XKR9: variants seen among roughly 807,000 people sequenced by gnomAD.
The protein encoded by XKR9 is XK-related protein 9.
Under a neutral mutation model 32.0 loss-of-function variants are expected in XKR9, and 32 were observed. The ratio of observed to expected loss-of-function variants is 1.00; its 90% CI spans 0.76 to 1.34. The LOEUF is 1.34. Ranked by LOEUF, XKR9 falls within the 40% of genes most tolerant of loss-of-function variation. The pLI, the probability that XKR9 is intolerant of heterozygous loss-of-function variation, is 0.00. For synonymous variants in XKR9, 168 were observed against 143.4 expected (o/e 1.17, Z -1.22); for missense variants, 546 against 429.7 (o/e 1.27, Z -2.39).
chr8:70,920,275 T>C, the XKR9 span, among the ~76,000 whole-genome samples: 2 of 152,210 alleles, frequency 1.3e-5, no homozygotes, highest in Non-Finnish European at 2.9e-5. Flanking sequence ...TGGAATCTCA[T>C]TGTGAAAGCC....
chr8:70,830,068 G>A, the XKR9 span, among the ~76,000 whole-genome samples: 1 of 151,984 alleles, frequency 6.6e-6, no homozygotes, highest in Non-Finnish European at 1.5e-5. Flanking sequence ...GGTTATAAAT[G>A]TTTCTTCCTT....
At chr8:70,811,980 C>T in the XKR9 span, among the ~76,000 whole-genome samples, 1 of 151,954 alleles carries the variant, frequency 6.6e-6, no homozygotes, top group Non-Finnish European at 1.5e-5. Context: ...CTGGCAGAGA[C>T]ACAACCAAAA....
At chr8:70,696,762 A>G (rs924320686) in intron 3 of XKR9, among the ~76,000 whole-genome samples, 4 of 151,206 alleles carry the variant, frequency 2.6e-5, no homozygotes, top group Non-Finnish European at 5.9e-5. Context: ...GAATCTATAA[A>G]TTACCTTGGG....
the XKR9 span, among the ~76,000 whole-genome samples, chr8:71,025,713 A>G: frequency 6.6e-6 from 1 of 152,188 alleles, no homozygotes; most frequent in Non-Finnish European, 1.5e-5. Flanking sequence ...TTAAGCTTGA[A>G]TTCTGAAATC....
chr8:70,844,204 C>T, the XKR9 span, among the ~76,000 whole-genome samples: 2 of 152,222 alleles, frequency 1.3e-5, no homozygotes, highest in African/African-American at 2.4e-5. Context: ...ATGCTGCCAT[C>T]TGCAGTAGCT....
the XKR9 span, among the ~76,000 whole-genome samples, chr8:70,918,018 T>G: frequency 6.6e-6 from 1 of 152,238 alleles, no homozygotes; most frequent in African/African-American, 2.4e-5. Context: ...AATTATGTGA[T>G]CTTGCCTTAA....
chr8:70,900,118 C>CT, the XKR9 span, among the ~76,000 whole-genome samples: 5 of 150,938 alleles, frequency 3.3e-5, no homozygotes, highest in African/African-American at 7.3e-5. Flanking sequence ...AAAAATTAGT[C>CT]TTTTTTTTTC....
the XKR9 span, among the ~76,000 whole-genome samples, chr8:71,032,946 T>C: frequency 2.0e-5 from 3 of 151,918 alleles, no homozygotes; most frequent in Non-Finnish European, 2.9e-5. Flanking sequence ...TAGCTGGGTG[T>C]GGTGGTGGGC....
At chr8:70,838,914 C>G in the XKR9 span, among the ~76,000 whole-genome samples, 2 of 150,000 alleles carry the variant, frequency 1.3e-5, no homozygotes, top group Admixed American at 6.6e-5. Flanking sequence ...TTGTATAGTC[C>G]CTGTCTCTAG....
chr8:70,771,462 T>C (rs894628430), intron 2 of XKR9, among the ~76,000 whole-genome samples: 2 of 152,346 alleles, frequency 1.3e-5, no homozygotes, highest in Admixed American at 1.3e-4. Context: ...TAAATTTTTT[T>C]CTCTTTATAT....
chr8:70,960,843 G>A, the XKR9 span, among the ~76,000 whole-genome samples: 7 of 150,294 alleles, frequency 4.7e-5, no homozygotes, highest in Non-Finnish European at 7.4e-5. Context: ...CCGTACTTCA[G>A]CCTAGGGGAC....
chr8:70,688,557 C>T (rs1457434336), intron 3 of XKR9, among the ~76,000 whole-genome samples: 1 of 151,988 alleles, frequency 6.6e-6, no homozygotes, highest in African/African-American at 2.4e-5. Flanking sequence ...GCTGGGACTA[C>T]GGGTGCCCGC....
At chr8:71,004,998 CTTTTTTTTTT>C in the XKR9 span, among the ~76,000 whole-genome samples, 23 of 48,226 alleles carry the variant, frequency 4.8e-4, no homozygotes, top group African/African-American at 1.2e-3. Flanking sequence ...TTAATCTATG[CTTTTTTTTTT>C]TTTTTTTTTT....
At position 70,747,121 on chromosome 8, in the gene XKR9, G is replaced by T. The variant is rs562006479; in HGVS notation, n.352+39968G>T. ...TATTTATGGCTGTGTAGTATTCTGT[G>T]GTGTATATTTACCACATTTTCTTTA... On this transcript the variant is annotated intron_variant and non_coding_transcript_variant, in intron 2 of 3. Coordinates refer to the XKR9 transcript ENST00000520273. 4.6e-5 allele frequency among the ~76,000 whole-genome samples: 7 copies of T among 152,128 alleles called. No individual in the cohort carries two copies. The South Asian group carries it at 1.5e-3, about 32-fold the overall frequency.
downstream of XKR9, among the ~76,000 whole-genome samples, chr8:70,740,539 C>T (rs1046931817): frequency 6.6e-6 from 1 of 151,788 alleles, no homozygotes; most frequent in Non-Finnish European, 1.5e-5. Context: ...AGGAGAGGTG[C>T]TCTGCTTTTT....
At chr8:70,941,106 C>T in the XKR9 span, among the ~76,000 whole-genome samples, 1 of 152,010 alleles carries the variant, frequency 6.6e-6, no homozygotes, top group Non-Finnish European at 1.5e-5. Context: ...AACCATCAAG[C>T]AATCACTTCC....
At chr8:70,799,924 A>G in the XKR9 span, among the ~76,000 whole-genome samples, 1 of 152,194 alleles carries the variant, frequency 6.6e-6, no homozygotes, top group Admixed American at 6.5e-5. Context: ...GAAAGAGGAC[A>G]TCCTTGTCTT....
At chr8:70,833,220 A>G in the XKR9 span, among the ~76,000 whole-genome samples, 1 of 152,188 alleles carries the variant, frequency 6.6e-6, no homozygotes, top group Non-Finnish European at 1.5e-5. Context: ...TTTAGTATTT[A>G]ACCAACTTGA....
chr8:70,804,612 A>G, the XKR9 span, among the ~76,000 whole-genome samples: 3 of 152,232 alleles, frequency 2.0e-5, no homozygotes, highest in Non-Finnish European at 4.4e-5. Flanking sequence ...TGTGCTTTTC[A>G]TGGATAACAC....
Sources: gnomAD v4.1 joint callset for allele counts (sites outside exome capture counted in the v4.1 genomes callset) on GRCh38, gnomAD v4.1.1 for gene constraint, MANE v1.5 for transcripts, NCBI Gene and HGNC (gene_info 2026-07-23, HGNC 2026-07-21) for gene names.